Variants in PTPN21 observed in about 807,000 individuals in gnomAD.
PTPN21 encodes the protein tyrosine-protein phosphatase non-receptor type 21.
A neutral mutation model predicts 131.8 loss-of-function variants in PTPN21; 77 were observed. The observed-to-expected ratio is 0.58, with a 90% CI of 0.49 to 0.71. The LOEUF (loss-of-function observed/expected upper bound fraction) is 0.71, where lower values mean the gene tolerates loss of function less well. PTPN21 is among the 30% of genes least tolerant of loss of function. The probability of loss-of-function intolerance (pLI) is 0.00; values close to 1 mark genes in which losing one functional copy is unlikely to be tolerated. For synonymous variants in PTPN21, 715 were observed against 621.3 expected, an observed-to-expected ratio of 1.15 and a Z score of -2.24; for missense variants, 1,552 against 1,527.1, an observed-to-expected ratio of 1.02 and a Z score of -0.27.
At chr14:88,475,014 C>T (rs1566808870) in intron 13 of PTPN21, among the ~76,000 whole-genome samples, 1 of 152,102 alleles carries the variant, frequency 6.6e-6, no homozygotes, top group Non-Finnish European at 1.5e-5. Context: ...AAGGCTTGAA[C>T]CTGGGAGGTG....
At chr14:88,485,183 C>G (rs2077715005) in intron 11 of PTPN21, 23 bp from the exon 12 acceptor site, 1 of 1,499,114 alleles carries the variant, frequency 6.7e-7, no homozygotes, top group East Asian at 2.3e-5. Context: ...GAGTTTGACA[C>G]AGGGTTGAAA....
intron 12 of PTPN21, 66 bp downstream of exon 12, chr14:88,485,010 C>T: frequency 4.4e-6 from 6 of 1,367,010 alleles, no homozygotes; most frequent in Non-Finnish European, 6.3e-6. Flanking sequence ...TTCATGATCT[C>T]CAAGCATTCA....
chr14:88,479,231 CGCG>C lies in PTPN21; in HGVS notation c.2197_2199del (p.Arg733del). ...TCCTGGGCCAGGCCGGGCCGAGGCT[CGCG>C]CGCACGTGCAGGAGGCGCCCGGGCC... On this transcript the variant is annotated inframe_deletion, in exon 13 of 19. Transcript: ENST00000556564. 3 of 1,605,546 alleles carry C rather than the reference CGCG, an allele frequency of 1.9e-6. No homozygotes were observed. The highest frequency in any genetic ancestry group is 2.6e-6 in the Non-Finnish European group (3 of 1,175,998).
rs921347589 is a variant in PTPN21, at chr14:88,467,865, A to T, written c.*272T>A. ...TTGTCTAGAAAATACAATCTCCAAAATGTGTGCAAGTACTGCAAACCGGAC... is the reference window on the plus strand; with the variant it reads ...TTGTCTAGAAAATACAATCTCCAAATTGTGTGCAAGTACTGCAAACCGGAC... On this transcript the variant is annotated 3_prime_UTR_variant, in exon 19 of 19. Transcript: ENST00000556564. The T allele has an allele frequency of 2.4e-6, 1 of 419,216 alleles. No individual in the cohort carries two copies. Among genetic ancestry groups the T allele is most frequent in the Admixed American group, 4.6e-5 (1 of 21,914 alleles). The allele number at this position is 419,216 out of a possible 1,614,324, so 26.0% of individuals were successfully genotyped here.
At chr14:88,489,142 A>C (rs1290532018) in intron 10 of PTPN21, among the ~76,000 whole-genome samples, 1 of 152,156 alleles carries the variant, frequency 6.6e-6, no homozygotes, top group East Asian at 1.9e-4. Context: ...AGCTCCGTGG[A>C]GGCAAGATGT....
At chr14:88,505,167 T>C (rs1291034990) in intron 5 of PTPN21, 137 bp downstream of exon 5, 1 of 685,076 alleles carries the variant, frequency 1.5e-6, no homozygotes, top group Non-Finnish European at 2.4e-6. Context: ...ACACTTGAGA[T>C]GTTTATAAGA....
chr14:88,519,608 CAT>C (rs1340866894), intron 2 of PTPN21, among the ~76,000 whole-genome samples: 1 of 152,120 alleles, frequency 6.6e-6, no homozygotes, highest in African/African-American at 2.4e-5. Flanking sequence ...ATTATGCAAA[CAT>C]GTGCTCAATA....
At chr14:88,493,104 A>T (rs1216223690) in intron 10 of PTPN21, 1 of 456,514 alleles carries the variant, frequency 2.2e-6, no homozygotes, top group Non-Finnish European at 4.4e-6. Flanking sequence ...CACTTCTGTA[A>T]GTCTCCATAC....
At chr14:88,494,990 G>T (rs1002470582) in intron 10 of PTPN21, among the ~76,000 whole-genome samples, 1 of 123,318 alleles carries the variant, frequency 8.1e-6, no homozygotes, top group African/African-American at 2.9e-5. Flanking sequence ...TCCAGCCTGG[G>T]TGACAGAGCG....
chr14:88,536,828 A>G (rs1382822400), intron 2 of PTPN21, among the ~76,000 whole-genome samples: 2 of 152,200 alleles, frequency 1.3e-5, no homozygotes, highest in Non-Finnish European at 2.9e-5. Context: ...TTTCATCAGG[A>G]AAGAGATGAC....
intron 6 of PTPN21, among the ~76,000 whole-genome samples, chr14:88,503,189 C>T (rs1272344289): frequency 6.6e-6 from 1 of 152,028 alleles, no homozygotes; most frequent in Non-Finnish European, 1.5e-5. Context: ...GTGCATGCCA[C>T]CACACCTGGC....
chr14:88,496,181 T>G (rs925592396), intron 10 of PTPN21, among the ~76,000 whole-genome samples: 2 of 152,224 alleles, frequency 1.3e-5, no homozygotes, highest in Non-Finnish European at 2.9e-5. Flanking sequence ...AGGATATTAT[T>G]CCCTTTTTAC....
At chr14:88,477,701 G>C (rs1030611468) in intron 13 of PTPN21, among the ~76,000 whole-genome samples, 12 of 152,068 alleles carry the variant, frequency 7.9e-5, no homozygotes, top group Non-Finnish European at 2.9e-5. Flanking sequence ...CAGGACACTG[G>C]AAGCCAACAG....
intron 2 of PTPN21, among the ~76,000 whole-genome samples, chr14:88,540,132 T>C (rs1350551736): frequency 1.3e-5 from 2 of 152,224 alleles, no homozygotes; most frequent in Non-Finnish European, 2.9e-5. Context: ...GTGATTTTTC[T>C]CCAATCCATT....
rs2077411065 is a variant in PTPN21 at position 88,469,008 on chromosome 14, G to A, written c.3304C>T (p.Pro1102Ser). The change falls in exon 18 of 19, where the codon CCT becomes TCT. Residue 1102 changes from proline (P) to serine (S), a missense_variant. This residue lies in a region of PTPN21 where 316 missense variants were observed against 378.5 expected (regional missense o/e 0.83). Coordinates refer to ENST00000556564, the MANE Select transcript of PTPN21 (RefSeq NM_007039.4). The surrounding 1 kb of genome is among the most constrained non-coding windows in gnomAD (Gnocchi z 4.3). Reference protein sequence around the residue: ...NSTSDPQSPNPPLLVHCSAGV... With the variant: ...NSTSDPQSPNSPLLVHCSAGV... ...GCACTGCAGTGGACCAACAACGGAG[G>A]GTTGGGGCTTTGGGGATCACTTGTG... 3 of 1,614,140 alleles carry A rather than the reference G, an allele frequency of 1.9e-6. No individual in the cohort carries two copies. Among genetic ancestry groups the A allele is most frequent in the Non-Finnish European group, 2.5e-6 (3 of 1,180,018 alleles).
intron 1 of PTPN21, chr14:88,552,474 G>A (rs1418159490): frequency 6.6e-6 from 1 of 152,184 alleles, no homozygotes; most frequent in African/African-American, 2.4e-5. Flanking sequence ...ATTACATACA[G>A]AGCTGTATCT....
intron 2 of PTPN21, among the ~76,000 whole-genome samples, chr14:88,520,807 G>A (rs1595395485): frequency 2.0e-5 from 3 of 152,030 alleles, no homozygotes; most frequent in Admixed American, 6.6e-5. Context: ...GATTGGATAC[G>A]GGAAAACTAC....
chr14:88,512,649 T>G (rs2078203719), intron 3 of PTPN21: 1 of 152,208 alleles, frequency 6.6e-6, no homozygotes, highest in East Asian at 1.9e-4. Context: ...AGAAATTATC[T>G]ATATCTGCAC....
chr14:88,504,798 C>T (rs761123672), intron 5 of PTPN21, among the ~76,000 whole-genome samples: 2 of 152,124 alleles, frequency 1.3e-5, no homozygotes, highest in Non-Finnish European at 2.9e-5. Context: ...ACATCTTGTG[C>T]GTTCTCTGGC....
Sources: allele counts gnomAD v4.1 joint callset (sites outside exome capture counted in the v4.1 genomes callset), GRCh38; gene constraint gnomAD v4.1.1; regional missense constraint gnomAD v4.1.1; non-coding constraint Gnocchi (gnomAD v3.1); transcripts MANE v1.5; gene names NCBI Gene and HGNC (gene_info 2026-07-23, HGNC 2026-07-21).